Variants in VEPH1 observed in about 807,000 individuals in gnomAD.
VEPH1 encodes ventricular zone-expressed PH domain-containing protein homolog 1.
Under a neutral mutation model 85.2 loss-of-function variants are expected in VEPH1, and 80 were observed. That is an observed-to-expected ratio of 0.94 (90% confidence interval 0.78 to 1.13). VEPH1 has a LOEUF of 1.13. Among genes scored for constraint, VEPH1 ranks in the 50% most tolerant of loss-of-function variants. The pLI is 0.00. For missense variants in VEPH1, 955 were observed against 980.5 expected (o/e 0.97, Z 0.35); for synonymous variants, 297 against 348.0 (o/e 0.85, Z 1.63).
chr3:157,338,550 A>G (rs1723195291), intron 9 of VEPH1, among the ~76,000 whole-genome samples: 1 of 152,230 alleles, frequency 6.6e-6, no homozygotes, highest in African/African-American at 2.4e-5. Flanking sequence ...TCTTCAATGT[A>G]TCAAATGTTT....
At chr3:157,440,685 T>A (rs1217807161) in intron 4 of VEPH1, among the ~76,000 whole-genome samples, 1 of 151,844 alleles carries the variant, frequency 6.6e-6, no homozygotes. Flanking sequence ...TATACATACA[T>A]ATATATATAT....
intron 6 of VEPH1, among the ~76,000 whole-genome samples, chr3:157,402,810 T>A (rs1183206765): frequency 6.6e-6 from 1 of 152,210 alleles, no homozygotes; most frequent in Non-Finnish European, 1.5e-5. Context: ...CCTCTCAGTG[T>A]AATTTCTTAC....
At chr3:157,412,142 C>T (rs778555629) in intron 6 of VEPH1, among the ~76,000 whole-genome samples, 5 of 152,118 alleles carry the variant, frequency 3.3e-5, no homozygotes, top group Non-Finnish European at 7.4e-5. Context: ...TCCCCAAAAG[C>T]TGAGCAGATG....
At chr3:157,302,260 C>T (rs1718889529) in intron 11 of VEPH1, among the ~76,000 whole-genome samples, 1 of 152,172 alleles carries the variant, frequency 6.6e-6, no homozygotes, top group African/African-American at 2.4e-5. Context: ...CTTTTGTGAT[C>T]TCCTTAATTT....
intron 9 of VEPH1, among the ~76,000 whole-genome samples, chr3:157,359,195 A>G (rs1024433794): frequency 2.0e-5 from 3 of 152,220 alleles, no homozygotes; most frequent in Non-Finnish European, 4.4e-5. Context: ...ATTATTCTTT[A>G]TAGAACTTCA....
intron 3 of VEPH1, among the ~76,000 whole-genome samples, chr3:157,466,449 G>A (rs1378801): frequency 0.17 from 26,110 of 152,164 alleles, 2,879 homozygotes; most frequent in East Asian, 0.38. Context: ...GCTCATTTTC[G>A]TTGCCCTGCA....
intron 7 of VEPH1, among the ~76,000 whole-genome samples, chr3:157,368,577 T>C (rs1727006811): frequency 6.6e-6 from 1 of 152,108 alleles, no homozygotes; most frequent in African/African-American, 2.4e-5. Flanking sequence ...CTGCAAGCTC[T>C]GCTTCGCGGG....
At chr3:157,324,401 C>T (rs2108567209) in intron 9 of VEPH1, among the ~76,000 whole-genome samples, 1 of 152,226 alleles carries the variant, frequency 6.6e-6, no homozygotes, top group South Asian at 2.1e-4. Context: ...AGATTTGTTA[C>T]ATGTGGCATG....
chr3:157,369,185 A>AAAAAAACAAAAAC (rs1560001084), intron 7 of VEPH1, among the ~76,000 whole-genome samples: 1 of 140,242 alleles, frequency 7.1e-6, no homozygotes, highest in Non-Finnish European at 1.5e-5. Context: ...CAAATGAAAA[A>AAAAAAACAAAAAC]AAAAAAAAAA....
intron 12 of VEPH1, among the ~76,000 whole-genome samples, chr3:157,270,084 T>C (rs1253420659): frequency 6.6e-6 from 1 of 151,838 alleles, no homozygotes; most frequent in Non-Finnish European, 1.5e-5. Context: ...CGAGACCCTG[T>C]CTCTACAGAA....
intron 7 of VEPH1, among the ~76,000 whole-genome samples, chr3:157,376,296 C>T (rs770157585): frequency 6.6e-5 from 10 of 152,110 alleles, no homozygotes; most frequent in East Asian, 1.9e-4. Context: ...GCCTCCCTGG[C>T]GCCACATTCA....
intron 11 of VEPH1, among the ~76,000 whole-genome samples, chr3:157,288,526 G>C (rs1717069091): frequency 6.6e-6 from 1 of 151,860 alleles, no homozygotes; most frequent in African/African-American, 2.4e-5. Context: ...AATACCCCCA[G>C]AGTCCAGTCC....
chr3:157,369,180 G>GAAAAAAAAAAAAAAAAAAAAAAAAAA lies in VEPH1; in HGVS notation c.1128-4669_1128-4668insTTTTTTTTTTTTTTTTTTTTTTTTTT, dbSNP rs58451868. On this transcript the variant is annotated intron_variant, in intron 7 of 13. Coordinates refer to ENST00000362010, the MANE Select transcript of VEPH1 (RefSeq NM_001167912.2). ...ACAACAACAACAACAAAAACCAAAT[G>GAAAAAAAAAAAAAAAAAAAAAAAAAA]AAAAAAAAAAAAAAAAAAAAAAAAC... is the stretch of plus-strand genomic sequence containing the variant. Among the ~76,000 whole-genome samples, 15 of 42,786 alleles carry GAAAAAAAAAAAAAAAAAAAAAAAAAA rather than the reference G, an allele frequency of 3.5e-4. 3 individuals carry two copies. The highest frequency in any genetic ancestry group is 6.7e-4 in the African/African-American group (8 of 11,896). The allele number at this position is 42,786 out of a possible 152,430, so 28.1% of individuals were successfully genotyped here.
chr3:157,441,441 T>G (rs1425714586), intron 4 of VEPH1, among the ~76,000 whole-genome samples: 1 of 152,208 alleles, frequency 6.6e-6, no homozygotes. Flanking sequence ...TTATTATACA[T>G]TGTTGCCTTT....
At chr3:157,332,581 T>C (rs891285523) in intron 9 of VEPH1, among the ~76,000 whole-genome samples, 3 of 152,230 alleles carry the variant, frequency 2.0e-5, no homozygotes, top group African/African-American at 7.2e-5. Flanking sequence ...TTCATTTTTT[T>C]TGCATGGCTA....
intron 9 of VEPH1, among the ~76,000 whole-genome samples, chr3:157,323,379 G>A (rs1219742798): frequency 6.6e-6 from 1 of 152,226 alleles, no homozygotes; most frequent in East Asian, 1.9e-4. Context: ...AGAAGTGTGA[G>A]TTGTTGAACT....
At chr3:157,502,199 T>C (rs1740169969) in intron 1 of VEPH1, among the ~76,000 whole-genome samples, 1 of 152,192 alleles carries the variant, frequency 6.6e-6, no homozygotes, top group Non-Finnish European at 1.5e-5. Flanking sequence ...CTAGAGTACA[T>C]ACGATCTAAG....
intron 12 of VEPH1, among the ~76,000 whole-genome samples, chr3:157,281,281 T>C (rs1187606958): frequency 1.3e-5 from 2 of 152,188 alleles, no homozygotes; most frequent in African/African-American, 4.8e-5. Flanking sequence ...TATCTGAGTT[T>C]GTAAGTGTGT....
In VEPH1 at chr3:157,428,290, G is replaced by T. The variant is rs781225109; in HGVS notation, c.696+32C>A. 2.1e-5 allele frequency: 34 copies of T among 1,608,696 alleles called. No homozygotes were observed. In the Middle Eastern group the frequency reaches 1.8e-3, roughly 86 times the overall value. ...CACACAAAGAAACATGCCTGGTTGT[G>T]TGCACCATGACATATACAATGTACT... On this transcript the variant is annotated intron_variant, in intron 5 of 13. Transcript: ENST00000362010.
Sources: allele counts gnomAD v4.1 joint callset (sites outside exome capture counted in the v4.1 genomes callset), GRCh38; gene constraint gnomAD v4.1.1; transcripts MANE v1.5; gene names NCBI Gene and HGNC (gene_info 2026-07-23, HGNC 2026-07-21).